C2CD5: variants seen among roughly 807,000 people sequenced by gnomAD.
C2CD5 encodes the protein C2 domain-containing protein 5.
A neutral mutation model predicts 130.3 loss-of-function variants in C2CD5; 109 were observed. That is an observed-to-expected ratio of 0.84 (90% CI 0.72 to 0.98). C2CD5 has a LOEUF of 0.98. C2CD5 is among the 50% of genes least tolerant of loss of function. The pLI, the probability that C2CD5 is intolerant of heterozygous loss-of-function variation, is 0.00. For synonymous variants in C2CD5, 454 were observed against 429.2 expected (o/e 1.06, Z -0.71); for missense variants, 996 against 1,261.8 (o/e 0.79, Z 3.19).
intron 10 of C2CD5, among the ~76,000 whole-genome samples, chr12:22,505,450 C>A (rs879933400): frequency 6.6e-6 from 1 of 151,838 alleles, no homozygotes. Context: ...ATTTTACAGG[C>A]ATGAGCCACT....
chr12:22,503,085 G>A (rs576419545), intron 10 of C2CD5, among the ~76,000 whole-genome samples: 1 of 152,194 alleles, frequency 6.6e-6, no homozygotes, highest in South Asian at 2.1e-4. Flanking sequence ...TTTACCAAAG[G>A]AGGATGTTCT....
intron 17 of C2CD5, 106 bp from the exon 18 acceptor site, chr12:22,472,453 A>ATT: frequency 1.5e-6 from 1 of 666,414 alleles, no homozygotes; most frequent in Non-Finnish European, 2.6e-6. Flanking sequence ...AACACCCTTC[A>ATT]TTTTTTTTCT....
intron 2 of C2CD5, among the ~76,000 whole-genome samples, chr12:22,543,729 T>TGTGTGA (rs1484653763): frequency 1.3e-5 from 2 of 151,988 alleles, no homozygotes; most frequent in African/African-American, 2.4e-5. Flanking sequence ...TGTGTGTATG[T>TGTGTGA]GTGTGAGTGT....
chr12:22,453,986 C>T lies in C2CD5; in HGVS notation c.2934G>A (p.Val978=), dbSNP rs1449567632. The T allele has an allele frequency of 5.0e-6, 8 of 1,613,544 alleles. No homozygotes were observed. The highest frequency in any genetic ancestry group is 6.8e-6 in the Non-Finnish European group (8 of 1,179,580). Residue 978 remains valine, a synonymous_variant, in exon 26 of 27, where the codon GTG becomes GTA. Coordinates refer to ENST00000446597, the MANE Select transcript of C2CD5 (RefSeq NM_001286176.2). ...HAFIAEVFAM[V]RAHVAALGGN... ...CTCCTAATGCAGCAACATGAGCTCT[C>T]ACCATTGCAAACACTTCAGCAATAA...
chr12:22,535,371 A>G (rs753472696), intron 2 of C2CD5, 27 bp from the exon 3 acceptor site: 3 of 1,178,122 alleles, frequency 2.5e-6, no homozygotes, highest in Non-Finnish European at 2.5e-6. Flanking sequence ...AATTATTCAC[A>G]TATGAATATC....
At chr12:22,513,482 A>C in intron 8 of C2CD5, 103 bp from the exon 9 acceptor site, 1 of 779,160 alleles carries the variant, frequency 1.3e-6, no homozygotes, top group Non-Finnish European at 2.3e-6. Context: ...ATGTGATAAA[A>C]TGATCGAAAC....
Position 22,532,759 on chromosome 12 carries a change from C to T in C2CD5, c.177+2499G>A, listed in dbSNP as rs1299759548. Among the ~76,000 whole-genome samples, 3 of 152,186 alleles carry T rather than the reference C, an allele frequency of 2.0e-5. No homozygotes were observed. The East Asian group carries it at 5.8e-4, about 29-fold the overall frequency. On this transcript the variant is annotated intron_variant, in intron 3 of 26. Transcript: ENST00000446597. ...TTCAAGCAAATCAATACTTTCCTTC[C>T]CTTGTTCTCTTTCACTGAAGAATGA...
At chr12:22,464,934 C>T (rs1202402515) in intron 22 of C2CD5, among the ~76,000 whole-genome samples, 1 of 151,792 alleles carries the variant, frequency 6.6e-6, no homozygotes, top group South Asian at 2.1e-4. Flanking sequence ...ATAATGTTAG[C>T]AAGACATTAA....
intron 10 of C2CD5, among the ~76,000 whole-genome samples, chr12:22,505,206 C>T (rs778088304): frequency 1.3e-5 from 2 of 150,736 alleles, no homozygotes; most frequent in Non-Finnish European, 3.0e-5. Flanking sequence ...TCATTATCTA[C>T]AATATTTTGG....
intron 2 of C2CD5, among the ~76,000 whole-genome samples, chr12:22,542,445 C>A (rs1270761349): frequency 6.6e-6 from 1 of 152,246 alleles, no homozygotes; most frequent in Non-Finnish European, 1.5e-5. Context: ...TCATCCCTAA[C>A]AAGCTCCACT....
intron 3 of C2CD5, among the ~76,000 whole-genome samples, chr12:22,530,944 C>G (rs1159749799): frequency 6.6e-6 from 1 of 152,018 alleles, no homozygotes; most frequent in African/African-American, 2.4e-5. Context: ...GAAAATTACT[C>G]TGACACATGA....
intron 9 of C2CD5, chr12:22,512,575 A>C (rs1591927552): frequency 9.1e-7 from 1 of 1,094,194 alleles, no homozygotes; most frequent in East Asian, 2.7e-5. Flanking sequence ...AATAAAATTT[A>C]AATGACCAAG....
At chr12:22,519,167 G>A (rs1008335827) in intron 7 of C2CD5, 3 of 1,535,804 alleles carry the variant, frequency 2.0e-6, no homozygotes, top group Admixed American at 2.0e-5. Context: ...TAAGTCGTGA[G>A]CCAGTAGCAG....
chr12:22,488,376 T>C (rs1945856478), intron 12 of C2CD5, among the ~76,000 whole-genome samples: 1 of 152,022 alleles, frequency 6.6e-6, no homozygotes, highest in South Asian at 2.1e-4. Flanking sequence ...TCCAAATTTT[T>C]TCTAATAAGC....
intron 10 of C2CD5, chr12:22,497,560 A>C (rs1161279194): frequency 4.6e-6 from 4 of 865,618 alleles, no homozygotes; most frequent in Non-Finnish European, 5.5e-6. Context: ...ACAGTATAAA[A>C]AGCTATATTC....
intron 2 of C2CD5, among the ~76,000 whole-genome samples, chr12:22,539,906 C>T (rs1592053443): frequency 1.3e-5 from 2 of 148,832 alleles, no homozygotes; most frequent in African/African-American, 5.1e-5. Context: ...GCAGGAGAAT[C>T]GCTTGAACCT....
chr12:22,488,323 T>C (rs1307604757), intron 12 of C2CD5, among the ~76,000 whole-genome samples: 1 of 152,122 alleles, frequency 6.6e-6, no homozygotes, highest in Non-Finnish European at 1.5e-5. Context: ...CATATAAGAA[T>C]TTGAAAAGGA....
intron 24 of C2CD5, among the ~76,000 whole-genome samples, chr12:22,457,501 C>A (rs950621438): frequency 6.6e-6 from 1 of 152,030 alleles, no homozygotes; most frequent in African/African-American, 2.4e-5. Context: ...CAAATTATTA[C>A]AAGGAGAGTG....
At chr12:22,453,445 C>T (rs1346731885) in intron 26 of C2CD5, among the ~76,000 whole-genome samples, 1 of 152,118 alleles carries the variant, frequency 6.6e-6, no homozygotes, top group African/African-American at 2.4e-5. Context: ...AAGATTTAAA[C>T]TAACTGCTTT....
Sources: allele counts gnomAD v4.1 joint callset (sites outside exome capture counted in the v4.1 genomes callset), GRCh38; gene constraint gnomAD v4.1.1; transcripts MANE v1.5; gene names NCBI Gene and HGNC (gene_info 2026-07-23, HGNC 2026-07-21).